Variants in EVI5 observed in about 807,000 individuals in gnomAD.
EVI5 encodes ecotropic viral integration site 5 protein homolog.
In EVI5, 73 loss-of-function variants were observed where a neutral mutation model predicts 112.0. The ratio of observed to expected loss-of-function variants is 0.65; its 90% confidence interval spans 0.54 to 0.79. The LOEUF (loss-of-function observed/expected upper bound fraction) is 0.79. Among genes scored for constraint, EVI5 ranks in the 30% least tolerant of loss-of-function variants. The pLI is 0.00. For missense variants in EVI5, 900 were observed against 968.8 expected (o/e 0.93, Z 0.94); for synonymous variants, 305 against 319.9 (o/e 0.95, Z 0.50).
chr1:92,524,300 A>G (rs1033261422), intron 19 of EVI5, among the ~76,000 whole-genome samples: 3 of 152,176 alleles, frequency 2.0e-5, no homozygotes, highest in Non-Finnish European at 4.4e-5. Context: ...GGAATTGACT[A>G]TATTAGACCA....
intron 19 of EVI5, among the ~76,000 whole-genome samples, chr1:92,541,194 G>C (rs1462141236): frequency 6.6e-6 from 1 of 152,142 alleles, no homozygotes; most frequent in Admixed American, 6.5e-5. Flanking sequence ...AGTTGTTTCA[G>C]TTTAAAAAAT....
At chr1:92,646,144 TATTTA>T (rs1660918731) in intron 13 of EVI5, among the ~76,000 whole-genome samples, 1 of 152,262 alleles carries the variant, frequency 6.6e-6, no homozygotes, top group Admixed American at 6.5e-5. Context: ...TATTATCATT[TATTTA>T]GTCTTTTTAA....
At chr1:92,653,306 C>T (rs765359688) in intron 13 of EVI5, among the ~76,000 whole-genome samples, 3 of 152,108 alleles carry the variant, frequency 2.0e-5, no homozygotes, top group African/African-American at 4.8e-5. Context: ...ACTGCTGCCC[C>T]GAAGAGAAGA....
In EVI5 at chr1:92,510,996, T is replaced by A. The variant is rs1429319021; in HGVS notation, c.*2660A>T. The A allele has an allele frequency of 6.6e-6, 1 of 152,144 alleles. No homozygotes were observed. The highest frequency in any genetic ancestry group is 1.9e-4 in the East Asian group (1 of 5,194). The allele number at this position is 152,144 out of a possible 1,614,324, so 9.4% of individuals were successfully genotyped here. Reference sequence around the variant, plus strand: ...GCTTTCTGGGCTGATAGTATAGAACTCCGAACAAAAATCCCCAAAGCACAA... The same window carrying A: ...GCTTTCTGGGCTGATAGTATAGAACACCGAACAAAAATCCCCAAAGCACAA... On this transcript the variant is annotated 3_prime_UTR_variant, in exon 20 of 20. Coordinates refer to ENST00000684568, the MANE Select transcript of EVI5 (RefSeq NM_001350197.2).
chr1:92,759,277 T>C (rs1681440795), intron 1 of EVI5, among the ~76,000 whole-genome samples: 1 of 152,148 alleles, frequency 6.6e-6, no homozygotes, highest in African/African-American at 2.4e-5. Context: ...GTGATCCATA[T>C]TTATGGAAAA....
chr1:92,611,698 C>CAA (rs35037095), intron 16 of EVI5, among the ~76,000 whole-genome samples: 18 of 88,566 alleles, frequency 2.0e-4, no homozygotes, highest in Non-Finnish European at 3.2e-4. Context: ...GACTCCGTCA[C>CAA]AAAAAAAAAA....
chr1:92,784,678 T>C (rs991699874), intron 1 of EVI5, among the ~76,000 whole-genome samples, 158 bp downstream of exon 1: 9 of 151,558 alleles, frequency 5.9e-5, no homozygotes, highest in Admixed American at 5.3e-4. Flanking sequence ...GCAGGGAACT[T>C]AGGCCCTGGC....
At chr1:92,779,997 C>T (rs1228969490) in intron 1 of EVI5, among the ~76,000 whole-genome samples, 2 of 152,158 alleles carry the variant, frequency 1.3e-5, no homozygotes, top group East Asian at 3.9e-4. Flanking sequence ...TACGATTTGG[C>T]TCTGTGTCCC....
chr1:92,556,648 TCC>T (rs1667726735), intron 19 of EVI5, among the ~76,000 whole-genome samples: 1 of 152,124 alleles, frequency 6.6e-6, no homozygotes, highest in African/African-American at 2.4e-5. Flanking sequence ...TTTCAAAAAT[TCC>T]AGTTTAGTAA....
intron 18 of EVI5, among the ~76,000 whole-genome samples, chr1:92,579,024 T>C (rs1671528910): frequency 6.6e-6 from 1 of 152,150 alleles, no homozygotes; most frequent in Admixed American, 6.5e-5. Flanking sequence ...AAACCTAAAA[T>C]CAGGATTTTG....
chr1:92,702,159 A>G lies in EVI5; in HGVS notation c.621T>C (p.Val207=). Residue 207 remains valine, a synonymous_variant, in exon 5 of 20, where the codon GTT becomes GTC. Transcript: ENST00000684568. ...VGYCQGSAFI[V]GLLLMQMPEE... is the part of the protein sequence containing the mutation. The stretch of plus-strand genomic sequence containing the variant: ...AACTTACCTGCATAAGCAACAATCC[A>G]ACTATAAAAGCACTTCCTTGACAGT... 6.6e-7 allele frequency: 1 copy of G among 1,506,140 alleles called. No individual in the cohort carries two copies. The highest frequency in any genetic ancestry group is 8.9e-7 in the Non-Finnish European group (1 of 1,126,736). The allele number at this position is 1,506,140 out of a possible 1,614,324, so 93.3% of individuals were successfully genotyped here. A position where few individuals can be genotyped will look rare whatever the true frequency, so the allele number is the denominator to read the frequency against.
At chr1:92,759,254 G>A (rs757123008) in intron 1 of EVI5, among the ~76,000 whole-genome samples, 5 of 152,060 alleles carry the variant, frequency 3.3e-5, no homozygotes, top group Non-Finnish European at 7.4e-5. Context: ...ATGTGTAAAT[G>A]TTTTCATTAT....
At chr1:92,683,435 T>TA (rs1261182615) in intron 9 of EVI5, among the ~76,000 whole-genome samples, 1 of 152,070 alleles carries the variant, frequency 6.6e-6, no homozygotes, top group African/African-American at 2.4e-5. Context: ...CAAAGGTAGA[T>TA]AAAACCACAA....
At chr1:92,583,735 T>C (rs978221669) in intron 18 of EVI5, among the ~76,000 whole-genome samples, 52 of 140,266 alleles carry the variant, frequency 3.7e-4, no homozygotes, top group Admixed American at 5.8e-4. Context: ...CTCTCTCTCT[T>C]TTTTTTTTTT....
chr1:92,717,184 G>A (rs1332445831), intron 2 of EVI5, among the ~76,000 whole-genome samples: 2 of 152,116 alleles, frequency 1.3e-5, no homozygotes, highest in East Asian at 3.9e-4. Flanking sequence ...AAGGATATCA[G>A]TGACTGAAGT....
chr1:92,773,443 A>G (rs1180772619), intron 1 of EVI5, among the ~76,000 whole-genome samples: 1 of 152,206 alleles, frequency 6.6e-6, no homozygotes, highest in Non-Finnish European at 1.5e-5. Context: ...AATCTATGGT[A>G]AAAGATATCA....
intron 11 of EVI5, 66 bp from the exon 12 acceptor site, chr1:92,663,518 A>C (rs1026129873): frequency 2.5e-5 from 20 of 807,782 alleles, no homozygotes; most frequent in African/African-American, 1.8e-5. Context: ...ATTAGGAAAA[A>C]AGAAACAAAT....
intron 10 of EVI5, among the ~76,000 whole-genome samples, chr1:92,668,740 T>C (rs1345009109): frequency 6.6e-6 from 1 of 152,246 alleles, no homozygotes; most frequent in African/African-American, 2.4e-5. Flanking sequence ...ATCAATAGAC[T>C]TTTTCAGTTA....
chr1:92,768,282 C>CTAAAG (rs1682936265), intron 1 of EVI5, among the ~76,000 whole-genome samples: 1 of 151,756 alleles, frequency 6.6e-6, no homozygotes, highest in Non-Finnish European at 1.5e-5. Context: ...ATAAGCAAGA[C>CTAAAG]TAAAGATACA....
Sources: gnomAD v4.1 joint callset for allele counts (sites outside exome capture counted in the v4.1 genomes callset) on GRCh38, gnomAD v4.1.1 for gene constraint, MANE v1.5 for transcripts, NCBI Gene and HGNC (gene_info 2026-07-23, HGNC 2026-07-21) for gene names.